Variants in DCAF6 observed in about 807,000 individuals in gnomAD.
DCAF6 encodes the protein DDB1 and CUL4 associated factor 6, also known as DDB1- and CUL4-associated factor 6.
In DCAF6, 54 loss-of-function variants were observed where a neutral mutation model predicts 125.1. The observed-to-expected ratio is 0.43, with a 90% CI of 0.35 to 0.54. The LOEUF (loss-of-function observed/expected upper bound fraction) is 0.54. Ranked by LOEUF, DCAF6 falls within the 20% of genes least tolerant of loss-of-function variation. The pLI is 0.01. For synonymous variants in DCAF6, 371 were observed against 390.4 expected (o/e 0.95, Z 0.58); for missense variants, 934 against 1,161.7 (o/e 0.80, Z 2.85).
At position 167,954,613 on chromosome 1, in the gene DCAF6, C is replaced by T. The variant is rs963106289; in HGVS notation, c.159+2752C>T. Among the ~76,000 whole-genome samples the T allele has an allele frequency of 1.1e-4, 16 of 151,918 alleles. No homozygotes were observed. The East Asian group carries it at 1.2e-3, about 11-fold the overall frequency. On this transcript the variant is annotated intron_variant, in intron 2 of 21. Transcript: ENST00000367840. The stretch of plus-strand genomic sequence containing the variant: ...GACTACAGGCACCCACCACCAAGCG[C>T]GGCTAATTTTTGGTATTTTTAGTAG...
At chr1:167,895,772 T>A in the DCAF6 span, among the ~76,000 whole-genome samples, 15 of 152,296 alleles carry the variant, frequency 9.8e-5, no homozygotes, top group South Asian at 3.1e-3. Flanking sequence ...TGTGATACAG[T>A]CTTCTCACTT....
At chr1:167,904,026 T>G in the DCAF6 span, 1 of 1,465,740 alleles carries the variant, frequency 6.8e-7, no homozygotes, top group Non-Finnish European at 9.5e-7. Flanking sequence ...CCTTGGCTGC[T>G]TGGGGGAATC....
intron 12 of DCAF6, among the ~76,000 whole-genome samples, chr1:168,037,790 G>A (rs1688030514): frequency 1.3e-5 from 2 of 152,244 alleles, no homozygotes; most frequent in South Asian, 4.1e-4. Flanking sequence ...ATATAACAAA[G>A]TATATTTTAG....
chr1:167,981,152 C>A (rs73026142), intron 4 of DCAF6, among the ~76,000 whole-genome samples: 4,315 of 152,052 alleles, frequency 0.028, 152 homozygotes, highest in African/African-American at 0.081. Flanking sequence ...GGTAATCTGC[C>A]CGTCTCCGCC....
chr1:167,904,978 C>A, the DCAF6 span: 3 of 1,614,098 alleles, frequency 1.9e-6, no homozygotes, highest in Non-Finnish European at 2.5e-6. Flanking sequence ...AAACAAACAT[C>A]CCTTTTGCAC....
chr1:168,048,953 CTG>C, intron 16 of DCAF6, among the ~76,000 whole-genome samples: 1 of 152,280 alleles, frequency 6.6e-6, no homozygotes, highest in South Asian at 2.1e-4. Flanking sequence ...AAACTATAGT[CTG>C]TGGTAAAATG....
At chr1:167,942,147 C>T (rs1672345085) in intron 1 of DCAF6, among the ~76,000 whole-genome samples, 1 of 152,170 alleles carries the variant, frequency 6.6e-6, no homozygotes, top group East Asian at 1.9e-4. Context: ...CTTACCGCAA[C>T]CTCTGCCTGC....
At chr1:167,955,260 C>CATAT (rs2102743122) in intron 2 of DCAF6, among the ~76,000 whole-genome samples, 1 of 152,282 alleles carries the variant, frequency 6.6e-6, no homozygotes, top group African/African-American at 2.4e-5. Context: ...TTTGTATGAA[C>CATAT]ATATGCTTTT....
chr1:168,030,121 A>G (rs1363514885), intron 12 of DCAF6, among the ~76,000 whole-genome samples: 1 of 152,150 alleles, frequency 6.6e-6, no homozygotes, highest in African/African-American at 2.4e-5. Flanking sequence ...GTAAAGATGG[A>G]TGAAAAAATA....
At chr1:168,056,248 A>G in intron 17 of DCAF6, 6 of 1,611,902 alleles carry the variant, frequency 3.7e-6, no homozygotes, top group East Asian at 2.2e-5. Flanking sequence ...GTTGTTACCC[A>G]TTCGTGTTTC....
intron 2 of DCAF6, among the ~76,000 whole-genome samples, chr1:167,964,575 G>A (rs115906613): frequency 0.019 from 2,835 of 152,196 alleles, 77 homozygotes; most frequent in African/African-American, 0.065. Context: ...TGGATCTATG[G>A]TTTGGTTTCT....
At chr1:168,016,899 A>G (rs1685048538) in intron 11 of DCAF6, among the ~76,000 whole-genome samples, 1 of 151,984 alleles carries the variant, frequency 6.6e-6, no homozygotes, top group Non-Finnish European at 1.5e-5. Context: ...TGAGAGTTCT[A>G]ATTTGATTAT....
At chr1:167,968,354 C>CA (rs1676773237) in intron 3 of DCAF6, 1 of 152,262 alleles carries the variant, frequency 6.6e-6, no homozygotes, top group Non-Finnish European at 1.5e-5. Flanking sequence ...GAGACCCCCC[C>CA]GTGCTGAGTG....
chr1:168,059,509 G>A (rs138818852), intron 17 of DCAF6, among the ~76,000 whole-genome samples: 19 of 152,206 alleles, frequency 1.2e-4, no homozygotes, highest in African/African-American at 4.6e-4. Flanking sequence ...TCCTTTGGTT[G>A]ATTTTATAAT....
chr1:168,037,449 G>A (rs1331010353), intron 12 of DCAF6, among the ~76,000 whole-genome samples: 1 of 152,068 alleles, frequency 6.6e-6, no homozygotes, highest in African/African-American at 2.4e-5. Context: ...AATGTGACAT[G>A]TTTGATTATG....
chr1:167,936,587 G>T (rs1571532697), upstream of DCAF6: 4 of 320,168 alleles, frequency 1.2e-5, no homozygotes, highest in Non-Finnish European at 2.4e-5. Flanking sequence ...GGCGGGGAGG[G>T]TATCCAGGAC....
chr1:168,064,310 C>T (rs1202286285), intron 18 of DCAF6, among the ~76,000 whole-genome samples: 1 of 152,038 alleles, frequency 6.6e-6, no homozygotes, highest in Non-Finnish European at 1.5e-5. Flanking sequence ...AGTTTCTACA[C>T]CCAGTGTAAT....
chr1:168,066,724 G>A (rs1246719125), intron 20 of DCAF6, among the ~76,000 whole-genome samples: 1 of 152,006 alleles, frequency 6.6e-6, no homozygotes, highest in Non-Finnish European at 1.5e-5. Flanking sequence ...AAGAAAAACA[G>A]GTTTGAGTAT....
intron 12 of DCAF6, among the ~76,000 whole-genome samples, chr1:168,030,763 T>G (rs1163564185): frequency 1.3e-5 from 2 of 152,248 alleles, no homozygotes; most frequent in Non-Finnish European, 2.9e-5. Context: ...CCAGGACTTG[T>G]GTCTTAAATC....
Sources: gnomAD v4.1 joint callset for allele counts (sites outside exome capture counted in the v4.1 genomes callset) on GRCh38, gnomAD v4.1.1 for gene constraint, MANE v1.5 for transcripts, NCBI Gene and HGNC (gene_info 2026-07-23, HGNC 2026-07-21) for gene names.